The following CIBAR1 variants were observed in gnomAD, a reference collection of about 807,000 sequenced individuals.
The protein encoded by CIBAR1 is CBY1 interacting BAR domain containing 1, also known as CBY1-interacting BAR domain-containing protein 1.
In CIBAR1, 25 loss-of-function variants were observed where a neutral mutation model predicts 44.0. The ratio of observed to expected loss-of-function variants is 0.57; its 90% CI spans 0.41 to 0.79. The LOEUF (loss-of-function observed/expected upper bound fraction) is 0.79. Among genes scored for constraint, CIBAR1 ranks in the 30% least tolerant of loss-of-function variants. The pLI is 0.00. For synonymous variants in CIBAR1, 115 were observed against 119.0 expected (o/e 0.97, Z 0.22); for missense variants, 278 against 344.8 (o/e 0.81, Z 1.53).
intron 5 of CIBAR1, among the ~76,000 whole-genome samples, chr8:93,709,039 G>T (rs1304574369): frequency 6.6e-6 from 1 of 152,168 alleles, no homozygotes; most frequent in Non-Finnish European, 1.5e-5. Flanking sequence ...TGCACTTCGG[G>T]AGGCTGAGGC....
In CIBAR1 at chr8:93,728,218, G is replaced by T; in HGVS notation, c.791G>T (p.Arg264Leu). 6.3e-7 allele frequency: 1 copy of T among 1,578,698 alleles called. No individual in the cohort carries two copies. Among genetic ancestry groups the T allele is most frequent in the South Asian group, 1.2e-5 (1 of 83,118 alleles). ...AACTTTTAACAGGTATCCACTTGTC[G>T]ACTAAGAAAGGATCAACAAGCAGAA... ...VSGTGQVSTC[R>L]LRKDQQAEDD... The change falls in exon 9 of 9, where the codon CGA (arginine) becomes CTA (leucine). Residue 264 changes from arginine to leucine, a missense_variant. Around this residue, in one of 3 missense-constraint regions of CIBAR1, gnomAD observed 93 missense variants for 108.9 expected, o/e 0.85. Coordinates refer to ENST00000518322, the MANE Select transcript of CIBAR1 (RefSeq NM_145269.5).
intron 4 of CIBAR1, 153 bp downstream of exon 4, chr8:93,705,163 A>C (rs1407862160): frequency 1.8e-6 from 1 of 569,532 alleles, no homozygotes; most frequent in East Asian, 2.9e-5. Flanking sequence ...TCACTATAGA[A>C]ATTTTAAAGA....
intron 3 of CIBAR1, among the ~76,000 whole-genome samples, chr8:93,704,209 TTAAAA>T (rs911103304): frequency 3.9e-5 from 6 of 152,294 alleles, no homozygotes; most frequent in African/African-American, 1.2e-4. Flanking sequence ...TATGGAAACT[TTAAAA>T]TAATTATGAA....
In CIBAR1 at chr8:93,701,025, C is replaced by CT. The variant is rs1211467605; in HGVS notation, c.27-195dup. 2.8e-6 allele frequency: 4 copies of CT among 1,431,620 alleles called. No individual in the cohort carries two copies. The African/African-American group carries it at 5.8e-5, about 21-fold the overall frequency. 88.7% of individuals were successfully genotyped at this position (1,431,620 alleles called of 1,614,324 possible). ...AAGGCCAGGCCCACCCGGCCTGGGC[C>CT]TTTTCCTGTGCCTACACAGTCCGGA... On this transcript the variant is annotated intron_variant, in intron 1 of 8. Transcript: ENST00000518322.
At chr8:93,726,100 C>T in intron 7 of CIBAR1, 1 of 269,198 alleles carries the variant, frequency 3.7e-6, no homozygotes, top group Non-Finnish European at 7.1e-6. Flanking sequence ...AGCTTGCATG[C>T]TCTTTGAGGG....
At chr8:93,726,657 G>A in intron 8 of CIBAR1, 144 bp downstream of exon 8, 2 of 907,336 alleles carry the variant, frequency 2.2e-6, no homozygotes, top group Non-Finnish European at 3.4e-6. Flanking sequence ...AATGACAGAA[G>A]ATTGCATTAA....
rs754833573 is a variant in CIBAR1, at chr8:93,729,214, T to C, written c.*917T>C. On this transcript the variant is annotated 3_prime_UTR_variant, in exon 9 of 9. Transcript: ENST00000518322. The stretch of plus-strand genomic sequence containing the variant: ...TTGGGATAATTAGAAAATGCAATTA[T>C]TCATAACAGAAAAATAAAGACTTTC... 1 of 152,156 alleles carries C rather than the reference T, an allele frequency of 6.6e-6. No homozygotes were observed. The highest frequency in any genetic ancestry group is 1.5e-5 in the Non-Finnish European group (1 of 67,982). The allele number at this position is 152,156 out of a possible 1,614,324, so 9.4% of individuals were successfully genotyped here.
intron 7 of CIBAR1, among the ~76,000 whole-genome samples, chr8:93,719,135 A>T (rs976435826): frequency 3.9e-5 from 6 of 152,120 alleles, no homozygotes; most frequent in African/African-American, 1.4e-4. Context: ...AAGTGCTGGG[A>T]TTACAGGCAT....
intron 7 of CIBAR1, chr8:93,719,625 T>G (rs1221650494): frequency 6.6e-6 from 1 of 152,222 alleles, no homozygotes; most frequent in East Asian, 1.9e-4. Flanking sequence ...ATGTAATCAC[T>G]AAGCTATGAA....
rs1460064840 is a variant in CIBAR1, at chr8:93,728,616, G to A, written c.*319G>A. On this transcript the variant is annotated 3_prime_UTR_variant, in exon 9 of 9. Transcript: ENST00000518322. ...TAGTACATTATGACAGAAACCAAAA[G>A]ATCTAACAATTCTGCTTAGCTTTTT... The A allele has an allele frequency of 5.8e-6, 1 of 172,140 alleles. No homozygotes were observed. The highest frequency in any genetic ancestry group is 6.3e-5 in the Admixed American group (1 of 15,790). The allele number at this position is 172,140 out of a possible 1,614,324, so 10.7% of individuals were successfully genotyped here.
intron 8 of CIBAR1, 87 bp from the exon 9 acceptor site, chr8:93,728,118 C>A: frequency 1.6e-6 from 1 of 641,202 alleles, no homozygotes; most frequent in Non-Finnish European, 2.4e-6. Context: ...TTGTTGTGTG[C>A]CCTTTAATAG....
At chr8:93,709,473 G>C (rs1325094878) in intron 5 of CIBAR1, among the ~76,000 whole-genome samples, 1 of 152,076 alleles carries the variant, frequency 6.6e-6, no homozygotes, top group Non-Finnish European at 1.5e-5. Flanking sequence ...TTTACAGTAG[G>C]TTATCCAAGG....
intron 6 of CIBAR1, among the ~76,000 whole-genome samples, chr8:93,713,328 C>T (rs544255826): frequency 4.6e-5 from 7 of 152,190 alleles, no homozygotes; most frequent in Admixed American, 1.3e-4. Context: ...CCACCATGCC[C>T]GGCTCCTTTA....
chr8:93,714,837 G>A (rs1005123549), intron 6 of CIBAR1, among the ~76,000 whole-genome samples: 4 of 152,160 alleles, frequency 2.6e-5, no homozygotes, highest in African/African-American at 9.7e-5. Flanking sequence ...GTTGATCTTA[G>A]CATGTCTCAT....
intron 6 of CIBAR1, among the ~76,000 whole-genome samples, chr8:93,717,520 G>A (rs1184855795): frequency 2.0e-5 from 3 of 152,158 alleles, no homozygotes; most frequent in East Asian, 3.9e-4. Flanking sequence ...TCAGACTGAC[G>A]TATATCACTG....
Position 93,704,924 on chromosome 8 carries a change from A to T in CIBAR1, c.346A>T (p.Thr116Ser). The change falls in exon 4 of 9, where the codon ACA (threonine) becomes TCA (serine). Residue 116 changes from threonine (T) to serine (S), a missense_variant. By Grantham distance (58) the Thr-to-Ser change is moderately conservative. Around this residue, in one of 3 missense-constraint regions of CIBAR1, gnomAD observed 183 missense variants for 218.6 expected, o/e 0.84. Transcript: ENST00000518322. ...VKMKRDDLKA[T>S]LTARNREAKQ... ...CAATTTGCAGGATGACCTCAAAGCA[A>T]CACTCACAGCAAGGAATCGAGAAGC... is the stretch of plus-strand genomic sequence containing the variant. 2 of 1,605,278 alleles carry T rather than the reference A, an allele frequency of 1.2e-6. No individual in the cohort carries two copies. Among genetic ancestry groups the T allele is most frequent in the Non-Finnish European group, 1.7e-6 (2 of 1,176,928 alleles).
At chr8:93,713,999 A>G (rs1418818133) in intron 6 of CIBAR1, among the ~76,000 whole-genome samples, 1 of 152,214 alleles carries the variant, frequency 6.6e-6, no homozygotes, top group Non-Finnish European at 1.5e-5. Context: ...CAATTTCTAC[A>G]AAGAAGTCAG....
At position 93,700,604 on chromosome 8, in the gene CIBAR1, C is replaced by G. The variant is rs556108514; in HGVS notation, c.-44C>G. ...GCGCGCCCAGGCGCCTTGGAATCCC[C>G]GTCCTTGGGCCCCCGCAAGGTCCCC... On this transcript the variant is annotated 5_prime_UTR_variant, in exon 1 of 9. Transcript: ENST00000518322. 1.5e-5 allele frequency: 22 copies of G among 1,472,138 alleles called. No homozygotes were observed. The highest frequency in any genetic ancestry group is 1.8e-5 in the Non-Finnish European group (20 of 1,111,176). 91.2% of individuals were successfully genotyped at this position (1,472,138 alleles called of 1,614,324 possible).
At chr8:93,727,305 T>G (rs974263589) in intron 8 of CIBAR1, 2 of 816,568 alleles carry the variant, frequency 2.4e-6, no homozygotes, top group African/African-American at 3.6e-5. Flanking sequence ...TTATTTTGTT[T>G]TATATGTATG....
Sources: allele counts gnomAD v4.1 joint callset (sites outside exome capture counted in the v4.1 genomes callset), GRCh38; gene constraint gnomAD v4.1.1; regional missense constraint gnomAD v4.1.1; transcripts MANE v1.5; gene names NCBI Gene and HGNC (gene_info 2026-07-23, HGNC 2026-07-21).